NDUFA12: variants seen among roughly 807,000 people sequenced by gnomAD.
The protein encoded by NDUFA12 is NADH dehydrogenase [ubiquinone] 1 alpha subcomplex subunit 12.
NDUFA12 carries 17 observed loss-of-function variants against 20.3 expected under a neutral mutation model. The ratio of observed to expected loss-of-function variants is 0.84; its 90% confidence interval spans 0.57 to 1.26. The LOEUF is 1.26. NDUFA12 is among the 50% of genes most tolerant of loss of function. The pLI is 0.00. For synonymous variants in NDUFA12, 72 were observed against 63.6 expected (o/e 1.13, Z -0.63); for missense variants, 191 against 183.7 (o/e 1.04, Z -0.23).
intron 3 of NDUFA12, among the ~76,000 whole-genome samples, chr12:94,985,626 C>CAAAAA (rs35674364): frequency 3.9e-4 from 17 of 43,534 alleles, no homozygotes; most frequent in Non-Finnish European, 6.0e-4. Context: ...GACTCCATCT[C>CAAAAA]AAAAAAAAAA....
chr12:94,988,793 C>T (rs888856249), intron 3 of NDUFA12, among the ~76,000 whole-genome samples: 12 of 152,172 alleles, frequency 7.9e-5, no homozygotes, highest in African/African-American at 2.9e-4. Context: ...GGTGCTAACG[C>T]CATTTTAGGC....
intron 3 of NDUFA12, among the ~76,000 whole-genome samples, chr12:94,974,256 C>T (rs1354523906): frequency 6.6e-6 from 1 of 151,976 alleles, no homozygotes; most frequent in African/African-American, 2.4e-5. Context: ...AAGGCTACCG[C>T]TCTGGTCCAC....
intron 2 of NDUFA12, among the ~76,000 whole-genome samples, chr12:94,999,176 G>A (rs1166203549): frequency 6.6e-6 from 1 of 152,116 alleles, no homozygotes; most frequent in Non-Finnish European, 1.5e-5. Flanking sequence ...CAGAAATAAA[G>A]CCAAATACTC....
intron 3 of NDUFA12, chr12:94,972,629 C>T (rs933282122): frequency 1.6e-4 from 45 of 289,108 alleles, no homozygotes; most frequent in African/African-American, 2.6e-4. Context: ...TTTGGGAGGA[C>T]GAGGTGGGAG....
At chr12:94,971,718 G>C (rs922878781) in intron 3 of NDUFA12, 98 bp from the exon 4 acceptor site, 7 of 1,358,444 alleles carry the variant, frequency 5.2e-6, no homozygotes, top group Non-Finnish European at 7.4e-6. Context: ...TTGTTGCTTG[G>C]GTTCAAGCCT....
At chr12:95,001,239 A>G in intron 2 of NDUFA12, among the ~76,000 whole-genome samples, 1 of 152,138 alleles carries the variant, frequency 6.6e-6, no homozygotes, top group Middle Eastern at 3.2e-3. Flanking sequence ...CCAGGAGGTC[A>G]CGGCTGCAGG....
chr12:94,989,604 A>T (rs1874569182), intron 3 of NDUFA12, among the ~76,000 whole-genome samples: 1 of 152,218 alleles, frequency 6.6e-6, no homozygotes, highest in Non-Finnish European at 1.5e-5. Flanking sequence ...AATAAGGGTC[A>T]TCAAAGGTAC....
intron 3 of NDUFA12, among the ~76,000 whole-genome samples, chr12:94,991,597 G>A (rs1874646495): frequency 6.6e-6 from 1 of 151,664 alleles, no homozygotes; most frequent in South Asian, 2.1e-4. Context: ...TACGGTGGCA[G>A]GCACCTGTAG....
At chr12:94,982,168 C>T (rs1874262513) in intron 3 of NDUFA12, among the ~76,000 whole-genome samples, 1 of 152,206 alleles carries the variant, frequency 6.6e-6, no homozygotes, top group Non-Finnish European at 1.5e-5. Flanking sequence ...GGAATCACAG[C>T]TTGCCAGCTG....
At chr12:94,994,304 AGCATAGAT>A (rs1286510666) in intron 2 of NDUFA12, 47 bp from the exon 3 acceptor site, 1 of 1,393,472 alleles carries the variant, frequency 7.2e-7, no homozygotes. Context: ...TTTTTTTTAA[AGCATAGAT>A]GCATAATATC....
intron 2 of NDUFA12, among the ~76,000 whole-genome samples, chr12:95,002,538 C>G (rs1297759896): frequency 1.3e-5 from 2 of 148,968 alleles, no homozygotes; most frequent in African/African-American, 5.0e-5. Flanking sequence ...TCTGTTGTTA[C>G]AAGTGAGAAT....
At chr12:94,980,609 C>T (rs557040910) in intron 3 of NDUFA12, among the ~76,000 whole-genome samples, 3 of 152,010 alleles carry the variant, frequency 2.0e-5, no homozygotes, top group Non-Finnish European at 2.9e-5. Flanking sequence ...AAACCCTTTA[C>T]CATACACTAT....
chr12:94,988,957 C>T (rs1235580649), intron 3 of NDUFA12, among the ~76,000 whole-genome samples: 2 of 152,168 alleles, frequency 1.3e-5, no homozygotes, highest in Non-Finnish European at 2.9e-5. Context: ...TCTCCTACCT[C>T]GTTTCTTAAC....
At chr12:94,997,884 G>A (rs1874889873) in intron 2 of NDUFA12, among the ~76,000 whole-genome samples, 1 of 152,144 alleles carries the variant, frequency 6.6e-6, no homozygotes, top group African/African-American at 2.4e-5. Context: ...TAGGCCAATG[G>A]TTCTTAACAG....
At chr12:94,971,902 G>T (rs1314682183) in intron 3 of NDUFA12, 5 of 579,176 alleles carry the variant, frequency 8.6e-6, no homozygotes, top group Non-Finnish European at 1.6e-5. Flanking sequence ...TCTCATTACT[G>T]TATTTTTTTT....
intron 2 of NDUFA12, among the ~76,000 whole-genome samples, chr12:94,998,420 C>T (rs973505653): frequency 1.3e-5 from 2 of 152,126 alleles, no homozygotes; most frequent in African/African-American, 2.4e-5. Flanking sequence ...AGAACTGGAA[C>T]GAGACAAGGA....
At chr12:94,989,396 T>G (rs562490283) in intron 3 of NDUFA12, among the ~76,000 whole-genome samples, 1 of 152,220 alleles carries the variant, frequency 6.6e-6, no homozygotes, top group African/African-American at 2.4e-5. Context: ...CTACACGTGA[T>G]AATACCTAGC....
chr12:95,002,300 C>T (rs1262171428), intron 2 of NDUFA12, among the ~76,000 whole-genome samples: 1 of 151,304 alleles, frequency 6.6e-6, no homozygotes, highest in Non-Finnish European at 1.5e-5. Context: ...AATTAGCCGG[C>T]CATGGTGGCG....
chr12:94,982,286 T>C (rs1874268954), intron 3 of NDUFA12, among the ~76,000 whole-genome samples: 3 of 151,086 alleles, frequency 2.0e-5, no homozygotes, highest in Admixed American at 2.0e-4. Context: ...TTTTTTTTTT[T>C]TTTTTTTGAG....
Sources: gnomAD v4.1 joint callset for allele counts (sites outside exome capture counted in the v4.1 genomes callset) on GRCh38, gnomAD v4.1.1 for gene constraint, MANE v1.5 for transcripts, NCBI Gene and HGNC (gene_info 2026-07-23, HGNC 2026-07-21) for gene names.